LRRC27: variants seen among roughly 807,000 people sequenced by gnomAD.
The protein encoded by LRRC27 is leucine rich repeat containing 27.
LRRC27 carries 57 observed loss-of-function variants against 55.0 expected under a neutral mutation model. The observed-to-expected ratio is 1.04, with a 90% confidence interval of 0.84 to 1.29. The LOEUF (loss-of-function observed/expected upper bound fraction) is 1.29, where lower values mean the gene tolerates loss of function less well. LRRC27 is among the 50% of genes most tolerant of loss of function. The probability of loss-of-function intolerance (pLI) is 0.00; values close to 1 mark genes in which losing one functional copy is unlikely to be tolerated. For synonymous variants in LRRC27, 278 were observed against 251.9 expected, an observed-to-expected ratio of 1.10 and a Z score of -0.98; for missense variants, 721 against 651.5, an observed-to-expected ratio of 1.11 and a Z score of -1.16.
chr10:132,375,238 A>G lies in LRRC27; in HGVS notation c.1589A>G (p.Gln530Arg), dbSNP rs776325147. The change falls in exon 11 of 11, where the codon CAG becomes CGG. Residue 530 changes from glutamine to arginine, a missense_variant. Physicochemically the swap from Gln to Arg is conservative, Grantham distance 43. Transcript: ENST00000368614. ...YGESGNVRRYQ is the reference protein window; with the variant it reads ...YGESGNVRRYR ...GAATCAGGAAATGTTCGCAGATACCAGTGACACCAGGTGGCTGGACTGATG... is the reference window on the plus strand; with the variant it reads ...GAATCAGGAAATGTTCGCAGATACCGGTGACACCAGGTGGCTGGACTGATG... 5 of 1,612,208 alleles carry G rather than the reference A, an allele frequency of 3.1e-6. No homozygotes were observed. The East Asian group carries it at 6.7e-5, about 22-fold the overall frequency.
upstream of LRRC27, chr10:132,332,061 A>T (rs1410702932): frequency 1.1e-5 from 2 of 180,334 alleles, no homozygotes; most frequent in Non-Finnish European, 2.1e-5. Flanking sequence ...CCCCCACAAC[A>T]CGCACACCCC....
chr10:132,378,461 G>A lies in LRRC27; in HGVS notation c.*3219G>A, dbSNP rs2069367075. 1 of 151,044 alleles carries A rather than the reference G, an allele frequency of 6.6e-6. No homozygotes were observed. The highest frequency in any genetic ancestry group is 1.5e-5 in the Non-Finnish European group (1 of 67,922). The allele number at this position is 151,044 out of a possible 1,614,324, so 9.4% of individuals were successfully genotyped here. A position where few individuals can be genotyped will look rare whatever the true frequency, so the allele number is the denominator to read the frequency against. ...TCTCCCTGAGACTTCAGTTTTGTGT[G>A]TGTGTGCACATGTGTGTATGCATTC... On this transcript the variant is annotated 3_prime_UTR_variant, in exon 11 of 11. Coordinates refer to ENST00000368614, the MANE Select transcript of LRRC27 (RefSeq NM_030626.3).
At chr10:132,357,619 CTT>C (rs2068365750) in intron 8 of LRRC27, among the ~76,000 whole-genome samples, 1 of 152,110 alleles carries the variant, frequency 6.6e-6, no homozygotes, top group Admixed American at 6.5e-5. Context: ...AACCCAGTGA[CTT>C]TGCGGGGAGG....
Position 132,355,787 on chromosome 10 carries a change from C to T in LRRC27, c.1074-3C>T, listed in dbSNP as rs1405864517. 2 of 1,548,338 alleles carry T rather than the reference C, an allele frequency of 1.3e-6. No homozygotes were observed. The highest frequency in any genetic ancestry group is 8.7e-7 in the Non-Finnish European group (1 of 1,143,920). On this transcript the variant is annotated splice_region_variant and splice_polypyrimidine_tract_variant and intron_variant, in intron 7 of 10. Transcript: ENST00000368614. ...TTATGACATTAACCTTCCCTTTCTC[C>T]AGAGAGAAAAGGGCACTGCAGGAGT...
chr10:132,368,111 C>T (rs984222042), intron 10 of LRRC27, among the ~76,000 whole-genome samples: 1 of 151,974 alleles, frequency 6.6e-6, no homozygotes, highest in Admixed American at 6.6e-5. Flanking sequence ...AAATTAGCAC[C>T]AAAACAATGG....
At chr10:132,343,436 T>C (rs2067515481) in intron 4 of LRRC27, among the ~76,000 whole-genome samples, 1 of 152,188 alleles carries the variant, frequency 6.6e-6, no homozygotes, top group African/African-American at 2.4e-5. Context: ...GAAAACAGAA[T>C]AGCAAATTTA....
intron 9 of LRRC27, 73 bp from the exon 10 acceptor site, chr10:132,365,351 T>C (rs1476735594): frequency 5.1e-6 from 8 of 1,582,938 alleles, no homozygotes; most frequent in Non-Finnish European, 6.9e-6. Flanking sequence ...GCTTTCTCCC[T>C]GGTTATGGCG....
At chr10:132,336,948 G>A (rs1054280616) in intron 2 of LRRC27, 44 of 618,214 alleles carry the variant, frequency 7.1e-5, no homozygotes, top group Non-Finnish European at 1.0e-4. Context: ...TAAAATCAGC[G>A]TGTATACGTT....
rs2069336377 is a variant in LRRC27 at position 132,376,314 on chromosome 10, C to G, written c.*1072C>G. On this transcript the variant is annotated 3_prime_UTR_variant, in exon 11 of 11. Coordinates refer to ENST00000368614, the MANE Select transcript of LRRC27 (RefSeq NM_030626.3). ...CTCTGCGCCCTGCACTTCGTACTTT[C>G]CGAGAGTTTAACTGGTGCTTAGAGA... The G allele has an allele frequency of 6.6e-6, 1 of 152,248 alleles. No individual in the cohort carries two copies. The highest frequency in any genetic ancestry group is 2.1e-4 in the South Asian group (1 of 4,834). 9.4% of individuals were successfully genotyped at this position (152,248 alleles called of 1,614,324 possible). A position where few individuals can be genotyped will look rare whatever the true frequency, so the allele number is the denominator to read the frequency against.
chr10:132,364,825 T>C (rs12260371), intron 9 of LRRC27, among the ~76,000 whole-genome samples: 19,282 of 115,384 alleles, frequency 0.17, 382 homozygotes, highest in African/African-American at 0.3. Context: ...CACCCTTACA[T>C]CTACCTCCAC....
rs779770144 is a variant in LRRC27 at position 132,344,597 on chromosome 10, TC to T, written c.502del (p.Leu168CysfsTer6). ...VQKGLVAIQR[F>X]LRMWAVEHSL... ...AAGGGATTGGTGGCTATCCAGCGCT[TC>T]CTGCGGATGTGGGCAGTAGAACACT... On this transcript the variant is annotated frameshift_variant, in exon 5 of 11. Coordinates refer to ENST00000368614, the MANE Select transcript of LRRC27 (RefSeq NM_030626.3). LOFTEE classifies it high-confidence loss of function. The T allele has an allele frequency of 1.2e-6, 2 of 1,614,200 alleles. No homozygotes were observed. The highest frequency in any genetic ancestry group is 1.7e-6 in the Non-Finnish European group (2 of 1,180,026).
chr10:132,360,032 C>T (rs1171823820), intron 8 of LRRC27, among the ~76,000 whole-genome samples: 2 of 152,132 alleles, frequency 1.3e-5, no homozygotes, highest in Admixed American at 1.3e-4. Flanking sequence ...GGGCTTCCCT[C>T]CAAATACATA....
chr10:132,367,570 C>T (rs1349590094), intron 10 of LRRC27, among the ~76,000 whole-genome samples: 1 of 152,188 alleles, frequency 6.6e-6, no homozygotes, highest in Non-Finnish European at 1.5e-5. Flanking sequence ...CAAAAATCAG[C>T]CAATGCAATT....
intron 9 of LRRC27, among the ~76,000 whole-genome samples, chr10:132,364,477 C>CA (rs1564853583): frequency 8.5e-6 from 1 of 117,702 alleles, no homozygotes; most frequent in African/African-American, 3.8e-5. Context: ...ACACTTACAC[C>CA]CACCCACACT....
chr10:132,374,284 G>A lies in LRRC27; in HGVS notation c.1417-782G>A, dbSNP rs1023560394. Among the ~76,000 whole-genome samples the A allele has an allele frequency of 6.6e-6, 1 of 152,136 alleles. No individual in the cohort carries two copies. Among genetic ancestry groups the A allele is most frequent in the African/African-American group, 2.4e-5 (1 of 41,410 alleles). ...GGGTCTCCTGGGACCTGCACTGGAG[G>A]TAGTGTCCAACCTGTGCCCCCAGCA... is the stretch of plus-strand genomic sequence containing the variant. On this transcript the variant is annotated intron_variant, in intron 10 of 10. Coordinates refer to ENST00000368614, the MANE Select transcript of LRRC27 (RefSeq NM_030626.3). The surrounding 1 kb of genome is among the most constrained non-coding windows in gnomAD (Gnocchi z 4.4).
rs2069391677 is a variant in LRRC27 at position 132,380,077 on chromosome 10, A to C, written c.*4835A>C. On this transcript the variant is annotated 3_prime_UTR_variant, in exon 11 of 11. Coordinates refer to ENST00000368614, the MANE Select transcript of LRRC27 (RefSeq NM_030626.3). ...TTTGGGAGGCCGAGGTGGGCAGATC[A>C]CCTAAGGTCAGGAGTTCAAGACCAG... Among the ~76,000 whole-genome samples the C allele has an allele frequency of 1.3e-5, 2 of 152,134 alleles. No individual in the cohort carries two copies. Among genetic ancestry groups the C allele is most frequent in the African/African-American group, 2.4e-5 (1 of 41,426 alleles).
At chr10:132,366,979 G>T (rs1176293109) in intron 10 of LRRC27, 17 of 1,266,256 alleles carry the variant, frequency 1.3e-5, no homozygotes, top group Non-Finnish European at 1.3e-5. Flanking sequence ...TCTGCCTTTA[G>T]ATAAACTCTT....
intron 6 of LRRC27, 176 bp from the exon 7 acceptor site, chr10:132,351,431 C>G: frequency 1.4e-6 from 1 of 710,112 alleles, no homozygotes; most frequent in East Asian, 2.6e-5. Flanking sequence ...ATCTTCATTA[C>G]GTGTCCTGAA....
chr10:132,354,130 C>T (rs1473981113), intron 7 of LRRC27, among the ~76,000 whole-genome samples: 1 of 152,228 alleles, frequency 6.6e-6, no homozygotes, highest in Non-Finnish European at 1.5e-5. Context: ...CTGGGCACCA[C>T]CAGCTGCAGG....
Sources: allele counts gnomAD v4.1 joint callset (sites outside exome capture counted in the v4.1 genomes callset), GRCh38; gene constraint gnomAD v4.1.1; non-coding constraint Gnocchi (gnomAD v3.1); transcripts MANE v1.5; gene names NCBI Gene and HGNC (gene_info 2026-07-23, HGNC 2026-07-21).